Variants in SNX29 observed in about 807,000 individuals in gnomAD.
The protein encoded by SNX29 is sorting nexin-29.
A neutral mutation model predicts 102.1 loss-of-function variants in SNX29; 78 were observed. The ratio of observed to expected loss-of-function variants is 0.76; its 90% confidence interval spans 0.64 to 0.92. The LOEUF (loss-of-function observed/expected upper bound fraction) is 0.92, where lower values mean the gene tolerates loss of function less well. Among genes scored for constraint, SNX29 ranks in the 40% least tolerant of loss-of-function variants. The pLI is 0.00. For synonymous variants in SNX29, 580 were observed against 414.5 expected (o/e 1.40, Z -4.85); for missense variants, 1,280 against 1,061.7 (o/e 1.21, Z -2.86).
chr16:12,551,097 G>A (rs151182028), intron 20 of SNX29, among the ~76,000 whole-genome samples: 4 of 152,060 alleles, frequency 2.6e-5, no homozygotes, highest in Admixed American at 6.6e-5. Context: ...TCTTTGCTTG[G>A]ATGAAATCTG....
chr16:12,555,737 C>T (rs1219124058), intron 20 of SNX29, among the ~76,000 whole-genome samples: 3 of 152,026 alleles, frequency 2.0e-5, no homozygotes, highest in Admixed American at 6.5e-5. Flanking sequence ...CTTTTCCTTC[C>T]ACCTCCCCAC....
intron 11 of SNX29, among the ~76,000 whole-genome samples, chr16:12,091,792 A>AAAG (rs2052559129): frequency 6.6e-6 from 1 of 151,386 alleles, no homozygotes; most frequent in Non-Finnish European, 1.5e-5. Context: ...AAAAAAAAAA[A>AAAG]AGGGACCCCA....
At chr16:12,067,892 T>C (rs2051108250) in intron 9 of SNX29, among the ~76,000 whole-genome samples, 1 of 152,216 alleles carries the variant, frequency 6.6e-6, no homozygotes, top group South Asian at 2.1e-4. Flanking sequence ...GGAAGGAGAC[T>C]TGAGCATTTA....
At chr16:12,383,860 C>A (rs73508081) in intron 16 of SNX29, among the ~76,000 whole-genome samples, 1 of 151,284 alleles carries the variant, frequency 6.6e-6, no homozygotes, top group African/African-American at 2.4e-5. Flanking sequence ...TTCCTCCGCC[C>A]TCCTCCCTCC....
intron 20 of SNX29, among the ~76,000 whole-genome samples, chr16:12,547,597 A>C (rs2077689677): frequency 6.6e-6 from 1 of 151,950 alleles, no homozygotes. Flanking sequence ...ATACACCCCC[A>C]CGAAGTCAGC....
intron 18 of SNX29, among the ~76,000 whole-genome samples, chr16:12,469,533 G>C (rs939258696): frequency 1.3e-5 from 2 of 152,198 alleles, no homozygotes; most frequent in Non-Finnish European, 2.9e-5. Context: ...TCAACAGTCA[G>C]CATAAAGGGG....
At chr16:12,162,278 C>T (rs1349795786) in intron 13 of SNX29, among the ~76,000 whole-genome samples, 1 of 152,210 alleles carries the variant, frequency 6.6e-6, no homozygotes, top group Middle Eastern at 3.2e-3. Flanking sequence ...CTCTCATCGT[C>T]CATCCTAGTA....
chr16:12,553,721 G>A (rs997780812), intron 20 of SNX29, among the ~76,000 whole-genome samples: 12 of 151,884 alleles, frequency 7.9e-5, no homozygotes, highest in Admixed American at 2.0e-4. Flanking sequence ...CCACGCAGCT[G>A]GGATTATATG....
intron 14 of SNX29, among the ~76,000 whole-genome samples, chr16:12,275,495 C>G (rs1378061309): frequency 6.6e-6 from 1 of 152,236 alleles, no homozygotes; most frequent in Non-Finnish European, 1.5e-5. Context: ...GTCCTGTGTT[C>G]ACCGTCATTT....
intron 20 of SNX29, among the ~76,000 whole-genome samples, chr16:12,563,706 C>T (rs574116890): frequency 1.6e-4 from 25 of 152,212 alleles, no homozygotes; most frequent in Non-Finnish European, 3.5e-4. Context: ...GTAAGAGGAA[C>T]ATGAGGAAAG....
At chr16:12,273,355 TG>T (rs1352640661) in intron 14 of SNX29, among the ~76,000 whole-genome samples, 26 of 142,924 alleles carry the variant, frequency 1.8e-4, no homozygotes, top group Admixed American at 2.8e-4. Flanking sequence ...TTTTTTTTTT[TG>T]TTGTTGTTTG....
intron 20 of SNX29, among the ~76,000 whole-genome samples, chr16:12,551,772 GGCCC>G (rs1253278012): frequency 6.6e-6 from 1 of 152,170 alleles, no homozygotes; most frequent in Non-Finnish European, 1.5e-5. Context: ...ACATACCAGG[GGCCC>G]GCTTCAGAAG....
At chr16:12,541,313 A>C (rs903224654) in intron 20 of SNX29, among the ~76,000 whole-genome samples, 2 of 152,172 alleles carry the variant, frequency 1.3e-5, no homozygotes, top group Non-Finnish European at 2.9e-5. Flanking sequence ...GTCAGCCCTG[A>C]TGGAGGACTT....
intron 18 of SNX29, among the ~76,000 whole-genome samples, chr16:12,454,539 G>C (rs995672849): frequency 6.6e-6 from 1 of 152,126 alleles, no homozygotes; most frequent in Non-Finnish European, 1.5e-5. Context: ...ATGGGCCACA[G>C]GTGCTGCTGG....
intron 15 of SNX29, among the ~76,000 whole-genome samples, chr16:12,294,419 A>T (rs531168886): frequency 1.1e-4 from 17 of 152,110 alleles, no homozygotes; most frequent in Non-Finnish European, 1.5e-5. Context: ...CCTCCCTCCG[A>T]TGGGCTGAGA....
chr16:12,048,965 A>C (rs997310926), intron 7 of SNX29, among the ~76,000 whole-genome samples: 1 of 152,176 alleles, frequency 6.6e-6, no homozygotes, highest in African/African-American at 2.4e-5. Flanking sequence ...GCCGAATAGG[A>C]AAGACAGATT....
chr16:12,197,251 G>T (rs12447822), intron 13 of SNX29, among the ~76,000 whole-genome samples: 101,200 of 151,990 alleles, frequency 0.67, 37,384 homozygotes, highest in South Asian at 0.81. Flanking sequence ...GGGCAATGAG[G>T]CTCTGGCTAA....
At chr16:12,518,546 A>C (rs1046970692) in intron 19 of SNX29, among the ~76,000 whole-genome samples, 2 of 152,144 alleles carry the variant, frequency 1.3e-5, no homozygotes, top group East Asian at 3.9e-4. Context: ...CCTTGCAGTG[A>C]CACGCTCTCT....
chr16:12,359,380 T>C (rs760393004), intron 16 of SNX29, among the ~76,000 whole-genome samples: 6 of 152,258 alleles, frequency 3.9e-5, no homozygotes, highest in Non-Finnish European at 8.8e-5. Context: ...TGCATTTCCC[T>C]GACCACAGAT....
Sources: gnomAD v4.1 joint callset for allele counts (sites outside exome capture counted in the v4.1 genomes callset) on GRCh38, gnomAD v4.1.1 for gene constraint, MANE v1.5 for transcripts, NCBI Gene and HGNC (gene_info 2026-07-23, HGNC 2026-07-21) for gene names.